Variants in PSMD1 observed in about 807,000 individuals in gnomAD.
PSMD1 encodes the protein 26S proteasome non-ATPase regulatory subunit 1.
In PSMD1, 18 loss-of-function variants were observed where a neutral mutation model predicts 119.0. That is an observed-to-expected ratio of 0.15 (90% confidence interval 0.10 to 0.22). PSMD1 has a LOEUF of 0.22. Among genes scored for constraint, PSMD1 ranks in the 10% least tolerant of loss-of-function variants. The probability of loss-of-function intolerance (pLI) is 1.00; values close to 1 mark genes in which losing one functional copy is unlikely to be tolerated. For synonymous variants in PSMD1, 374 were observed against 396.6 expected, an observed-to-expected ratio of 0.94 and a Z score of 0.68; for missense variants, 702 against 1,158.5, an observed-to-expected ratio of 0.61 and a Z score of 5.72.
intron 23 of PSMD1, among the ~76,000 whole-genome samples, chr2:231,167,641 T>G (rs1696818898): frequency 6.6e-6 from 1 of 152,234 alleles, no homozygotes; most frequent in Admixed American, 6.5e-5. Context: ...TCCTGTCCAG[T>G]TGTTAGCTGA....
At chr2:231,152,241 T>C (rs1407803616) in intron 18 of PSMD1, among the ~76,000 whole-genome samples, 1 of 152,196 alleles carries the variant, frequency 6.6e-6, no homozygotes, top group African/African-American at 2.4e-5. Context: ...GCAGAGTTAG[T>C]TCATTGTTTC....
At chr2:231,131,291 G>A (rs570696121) in intron 16 of PSMD1, among the ~76,000 whole-genome samples, 1 of 152,190 alleles carries the variant, frequency 6.6e-6, no homozygotes, top group East Asian at 1.9e-4. Flanking sequence ...GTTAGCAGTC[G>A]TTGATAATCA....
intron 16 of PSMD1, among the ~76,000 whole-genome samples, chr2:231,127,821 G>A (rs1009427567): frequency 3.3e-5 from 5 of 152,192 alleles, no homozygotes; most frequent in Non-Finnish European, 7.3e-5. Context: ...CTTAATGGTA[G>A]AGTGAAGTTT....
intron 17 of PSMD1, among the ~76,000 whole-genome samples, chr2:231,144,196 A>G (rs1415054860): frequency 6.6e-6 from 1 of 151,808 alleles, no homozygotes; most frequent in African/African-American, 2.4e-5. Context: ...TGTTGGGATT[A>G]CAGGCGTGAG....
rs753602272 is a variant in PSMD1, at chr2:231,070,018, C to G, written c.511-7C>G. The G allele has an allele frequency of 1.4e-6, 2 of 1,428,312 alleles. No individual in the cohort carries two copies. 88.5% of individuals were successfully genotyped at this position (1,428,312 alleles called of 1,614,324 possible). On this transcript the variant is annotated splice_region_variant and splice_polypyrimidine_tract_variant and intron_variant, in intron 5 of 24. Transcript: ENST00000308696. ...ATAACGTTATATCTTTAAACTATCT[C>G]TTTCAGAATGATGTCCCAGGAATGT...
intron 5 of PSMD1, among the ~76,000 whole-genome samples, 162 bp downstream of exon 5, chr2:231,067,273 G>T (rs1006965928): frequency 6.6e-6 from 1 of 152,144 alleles, no homozygotes; most frequent in Non-Finnish European, 1.5e-5. Context: ...TATGAACCTT[G>T]GTTGTGTTTT....
intron 6 of PSMD1, among the ~76,000 whole-genome samples, chr2:231,070,731 C>T (rs1208244137): frequency 6.6e-6 from 1 of 152,096 alleles, no homozygotes; most frequent in Non-Finnish European, 1.5e-5. Context: ...TTTTTCCCTA[C>T]TTATTCACAC....
intron 16 of PSMD1, among the ~76,000 whole-genome samples, chr2:231,105,778 C>G (rs894092832): frequency 6.6e-6 from 1 of 152,076 alleles, no homozygotes; most frequent in African/African-American, 2.4e-5. Context: ...AAGAAACCCT[C>G]ATAGTGAACC....
chr2:231,061,704 T>C (rs1693764889), intron 2 of PSMD1, among the ~76,000 whole-genome samples: 1 of 151,994 alleles, frequency 6.6e-6, no homozygotes, highest in African/African-American at 2.4e-5. Flanking sequence ...GCTAGGACTG[T>C]AGGCATGCAC....
chr2:231,079,935 T>C, intron 11 of PSMD1, among the ~76,000 whole-genome samples: 1 of 152,212 alleles, frequency 6.6e-6, no homozygotes, highest in East Asian at 1.9e-4. Context: ...TTGTGATTTT[T>C]TTTTTTTCTA....
intron 16 of PSMD1, among the ~76,000 whole-genome samples, chr2:231,094,601 T>C (rs967122354): frequency 9.2e-5 from 14 of 152,234 alleles, no homozygotes; most frequent in Non-Finnish European, 1.6e-4. Context: ...CTTAGCTGTC[T>C]GAGTGCTAGT....
At position 231,056,973 on chromosome 2, in the gene PSMD1, C is replaced by G; in HGVS notation, c.-53C>G. On this transcript the variant is annotated 5_prime_UTR_variant, in exon 1 of 25. Transcript: ENST00000308696. The stretch of plus-strand genomic sequence containing the variant: ...TGAGCGGCCCCTGAGCTGACAGATA[C>G]ACTGCGCAGCTGGAACGGCGAGCGA... 6.5e-7 allele frequency: 1 copy of G among 1,539,964 alleles called. No individual in the cohort carries two copies. Among genetic ancestry groups the G allele is most frequent in the East Asian group, 2.5e-5 (1 of 40,042 alleles).
At chr2:231,112,731 C>T (rs1695195468) in intron 16 of PSMD1, among the ~76,000 whole-genome samples, 1 of 152,114 alleles carries the variant, frequency 6.6e-6, no homozygotes, top group Non-Finnish European at 1.5e-5. Context: ...ACGCATACTT[C>T]ATGATAAGAA....
intron 16 of PSMD1, among the ~76,000 whole-genome samples, chr2:231,132,821 CCAG>C (rs1243352847): frequency 1.3e-5 from 2 of 152,106 alleles, no homozygotes; most frequent in Non-Finnish European, 2.9e-5. Context: ...TATGTTATTT[CCAG>C]TGAGAGGTGA....
intron 12 of PSMD1, among the ~76,000 whole-genome samples, 195 bp from the exon 13 acceptor site, chr2:231,082,686 CAA>C (rs1043778104): frequency 3.3e-5 from 5 of 152,214 alleles, no homozygotes; most frequent in African/African-American, 9.6e-5. Flanking sequence ...GCCTGGGCGA[CAA>C]GAGCGAAACT....
intron 1 of PSMD1, 140 bp downstream of exon 1, chr2:231,057,181 G>A (rs954643151): frequency 1.0e-5 from 11 of 1,085,360 alleles, no homozygotes; most frequent in Admixed American, 3.5e-5. Context: ...CCCACCCCCG[G>A]GCCGGGGGGC....
intron 16 of PSMD1, among the ~76,000 whole-genome samples, chr2:231,087,714 G>A (rs1694486798): frequency 6.6e-6 from 1 of 152,128 alleles, no homozygotes; most frequent in African/African-American, 2.4e-5. Context: ...TGTAATCCCA[G>A]CACTTTGGGA....
intron 16 of PSMD1, among the ~76,000 whole-genome samples, chr2:231,098,761 C>T (rs940528252): frequency 6.6e-6 from 1 of 152,124 alleles, no homozygotes; most frequent in South Asian, 2.1e-4. Context: ...AAGAATTGGT[C>T]AATTTGGTCT....
At chr2:231,087,962 CA>C (rs1056884712) in intron 16 of PSMD1, among the ~76,000 whole-genome samples, 414 of 138,092 alleles carry the variant, frequency 3.0e-3, no homozygotes, top group Middle Eastern at 3.7e-3. Context: ...GACTCCCTCT[CA>C]AAAAAAAAAA....
Sources: gnomAD v4.1 joint callset for allele counts (sites outside exome capture counted in the v4.1 genomes callset) on GRCh38, gnomAD v4.1.1 for gene constraint, MANE v1.5 for transcripts, NCBI Gene and HGNC (gene_info 2026-07-23, HGNC 2026-07-21) for gene names.